RAB3GAP2: variants seen among roughly 807,000 people sequenced by gnomAD.
RAB3GAP2 encodes RAB3 GTPase activating non-catalytic protein subunit 2, also known as rab3 GTPase-activating protein non-catalytic subunit.
RAB3GAP2 carries 87 observed loss-of-function variants against 185.3 expected under a neutral mutation model. The ratio of observed to expected loss-of-function variants is 0.47; its 90% CI spans 0.39 to 0.56. The LOEUF (loss-of-function observed/expected upper bound fraction) is 0.56. Among genes scored for constraint, RAB3GAP2 ranks in the 20% least tolerant of loss-of-function variants. RAB3GAP2 has a pLI of 0.00. For synonymous variants in RAB3GAP2, 554 were observed against 576.1 expected, an observed-to-expected ratio of 0.96 and a Z score of 0.55; for missense variants, 1,492 against 1,638.2, an observed-to-expected ratio of 0.91 and a Z score of 1.54.
At chr1:220,237,777 T>C (rs1438214634) in intron 1 of RAB3GAP2, among the ~76,000 whole-genome samples, 1 of 152,196 alleles carries the variant, frequency 6.6e-6, no homozygotes, top group Non-Finnish European at 1.5e-5. Context: ...TTCACTCCAG[T>C]TGGACTGTTC....
intron 1 of RAB3GAP2, among the ~76,000 whole-genome samples, chr1:220,262,330 CAAA>C (rs916746274): frequency 6.7e-6 from 1 of 149,964 alleles, no homozygotes; most frequent in African/African-American, 2.4e-5. Flanking sequence ...AACAAACAAA[CAAA>C]AAAACATAAA....
chr1:220,248,740 G>A (rs992152658), intron 1 of RAB3GAP2, among the ~76,000 whole-genome samples: 5 of 151,786 alleles, frequency 3.3e-5, no homozygotes, highest in Admixed American at 6.6e-5. Flanking sequence ...ATCTTGAATC[G>A]TAGTTCCCAT....
chr1:220,151,434 T>C, intron 34 of RAB3GAP2, 28 bp from the exon 35 acceptor site: 1 of 1,613,824 alleles, frequency 6.2e-7, no homozygotes, highest in Non-Finnish European at 8.5e-7. Context: ...AAATAACCTA[T>C]TATAGACAAC....
Position 220,171,092 on chromosome 1 carries a change from G to A in RAB3GAP2, c.2606C>T (p.Ser869Leu), listed in dbSNP as rs1480823005. 1 of 1,614,116 alleles carries A rather than the reference G, an allele frequency of 6.2e-7. No homozygotes were observed. Among genetic ancestry groups the A allele is most frequent in the Non-Finnish European group, 8.5e-7 (1 of 1,179,984 alleles). Residue 869 changes from serine (S) to leucine (L), a missense_variant, in exon 24 of 35, where the codon TCA (serine) becomes TTA (leucine). Physicochemically the swap from Ser to Leu is moderately radical, Grantham distance 145. Coordinates refer to ENST00000358951, the MANE Select transcript of RAB3GAP2 (RefSeq NM_012414.4). ...KFSQTVLGAD[S>L]EALTDSWEAL... ...CTCCCAGGAATCAGTGAGGGCCTCT[G>A]AATCAGCACCCAAAACTGTTTGGGA...
intron 21 of RAB3GAP2, among the ~76,000 whole-genome samples, chr1:220,178,196 G>A (rs1018914763): frequency 2.0e-5 from 3 of 152,146 alleles, no homozygotes; most frequent in African/African-American, 7.2e-5. Context: ...ACGTGGCAAA[G>A]TTATTCCTTA....
intron 21 of RAB3GAP2, among the ~76,000 whole-genome samples, chr1:220,173,315 GA>G (rs1368240308): frequency 6.6e-6 from 1 of 152,206 alleles, no homozygotes; most frequent in Admixed American, 6.5e-5. Context: ...ATACCTACTT[GA>G]AGCTGAAATT....
At chr1:220,239,952 T>C (rs910536762) in intron 1 of RAB3GAP2, among the ~76,000 whole-genome samples, 4 of 149,068 alleles carry the variant, frequency 2.7e-5, no homozygotes, top group African/African-American at 7.4e-5. Flanking sequence ...ATAAAAGCCA[T>C]TGAGTTCCCA....
intron 1 of RAB3GAP2, among the ~76,000 whole-genome samples, chr1:220,251,675 G>A (rs544183320): frequency 2.0e-5 from 3 of 151,056 alleles, no homozygotes; most frequent in African/African-American, 7.3e-5. Flanking sequence ...TCATAGATAG[G>A]ACTGAACCTG....
At position 220,189,769 on chromosome 1, in the gene RAB3GAP2, T is replaced by A. The variant is rs1461293124; in HGVS notation, c.1715-2A>T. On this transcript the variant is annotated splice_acceptor_variant, in intron 16 of 34. Coordinates refer to ENST00000358951, the MANE Select transcript of RAB3GAP2 (RefSeq NM_012414.4). LOFTEE classifies it high-confidence loss of function. ...CCTTTATTTCTGTTTCAACCAAATC[T>A]ATAAAGAAAAAAATAATCAAAGTAA... 6.8e-7 allele frequency: 1 copy of A among 1,480,386 alleles called. No individual in the cohort carries two copies. Among genetic ancestry groups the A allele is most frequent in the South Asian group, 1.3e-5 (1 of 79,724 alleles). The allele number at this position is 1,480,386 out of a possible 1,614,324, so 91.7% of individuals were successfully genotyped here.
chr1:220,157,136 A>G, intron 31 of RAB3GAP2, 134 bp downstream of exon 31: 1 of 777,790 alleles, frequency 1.3e-6, no homozygotes, highest in Non-Finnish European at 2.3e-6. Flanking sequence ...CAAGCAGGGA[A>G]TGAGGGAGTT....
rs1315826375 is a variant in RAB3GAP2 at position 220,245,754 on chromosome 1, A to C, written c.116-12891T>G. On this transcript the variant is annotated intron_variant, in intron 1 of 34. Coordinates refer to ENST00000358951, the MANE Select transcript of RAB3GAP2 (RefSeq NM_012414.4). ...AAAAAGACAGCAGTAACCTCTGCAGACTTAAATGTCCCTGTCTGACAGCTT... is the reference window on the plus strand; with the variant it reads ...AAAAAGACAGCAGTAACCTCTGCAGCCTTAAATGTCCCTGTCTGACAGCTT... 2.6e-5 allele frequency among the ~76,000 whole-genome samples: 4 copies of C among 152,156 alleles called. 1 individual carries two copies. In the South Asian group the frequency reaches 6.2e-4, roughly 24 times the overall value.
At chr1:220,206,039 ATAG>A in intron 7 of RAB3GAP2, 33 bp from the exon 8 acceptor site, 4 of 1,327,810 alleles carry the variant, frequency 3.0e-6, no homozygotes, top group Non-Finnish European at 4.2e-6. Context: ...AAGTTCTTGA[ATAG>A]ATAAATAAGC....
At position 220,154,016 on chromosome 1, in the gene RAB3GAP2, TAACTG is replaced by T; in HGVS notation, c.3592_3596del (p.Gln1198IlefsTer3). 1 of 1,613,686 alleles carries T rather than the reference TAACTG, an allele frequency of 6.2e-7. No homozygotes were observed. The highest frequency in any genetic ancestry group is 8.5e-7 in the Non-Finnish European group (1 of 1,179,822). On this transcript the variant is annotated frameshift_variant, in exon 32 of 35. Transcript: ENST00000358951. LOFTEE classifies it high-confidence loss of function. ...TTGGATCCATTTCCCCACTAGGTAA[TAACTG>T]AATTGAAGTTAGGTCTTTGAAAAAT...
intron 1 of RAB3GAP2, among the ~76,000 whole-genome samples, chr1:220,255,123 T>A (rs1411194446): frequency 1.3e-5 from 2 of 152,062 alleles, no homozygotes; most frequent in African/African-American, 4.8e-5. Context: ...TGCAATGCAC[T>A]GTGTAGCTAG....
chr1:220,212,930 G>T lies in RAB3GAP2; in HGVS notation c.343C>A (p.Gln115Lys). Residue 115 changes from glutamine (Q) to lysine (K), a missense_variant, in exon 4 of 35, where the codon CAA becomes AAA. By Grantham distance (53) the Gln-to-Lys change is moderately conservative (BLOSUM62 1). Around this residue, in one of 5 missense-constraint regions of RAB3GAP2, gnomAD observed 177 missense variants for 160.6 expected, o/e 1.10. Transcript: ENST00000358951. ...KYSDKGKEEM[Q>K]FAVGWSGSLN... Reference sequence around the variant, plus strand: ...GAACCACTCCAGCCAACAGCAAATTGCATTTCTTCCTTTCCTTTATCACTA... The same window carrying T: ...GAACCACTCCAGCCAACAGCAAATTTCATTTCTTCCTTTCCTTTATCACTA... 1 of 1,613,264 alleles carries T rather than the reference G, an allele frequency of 6.2e-7. No homozygotes were observed. The highest frequency in any genetic ancestry group is 1.1e-5 in the South Asian group (1 of 91,034).
chr1:220,269,432 G>C (rs930452264), intron 1 of RAB3GAP2, among the ~76,000 whole-genome samples: 1 of 152,176 alleles, frequency 6.6e-6, no homozygotes, highest in Non-Finnish European at 1.5e-5. Flanking sequence ...TTATTAAAAG[G>C]GCAATGTTAG....
At chr1:220,200,564 A>T (rs1229753248) in intron 9 of RAB3GAP2, 1 of 529,354 alleles carries the variant, frequency 1.9e-6, no homozygotes, top group South Asian at 1.4e-5. Flanking sequence ...GCTGGGGATA[A>T]ATGAATAGAA....
rs1015893319 is a variant in RAB3GAP2, at chr1:220,162,148, CAAAT to C, written c.3225+46_3225+49del. On this transcript the variant is annotated intron_variant, in intron 28 of 34. Coordinates refer to ENST00000358951, the MANE Select transcript of RAB3GAP2 (RefSeq NM_012414.4). ...TGTGAACAATCTTTCTAATATTAGT[CAAAT>C]AAGAGAATCAAATAAATAAGAAGTC... 5.3e-6 allele frequency: 7 copies of C among 1,323,878 alleles called. No individual in the cohort carries two copies. In the African/African-American group the frequency reaches 8.7e-5, roughly 16 times the overall value. 82.0% of individuals were successfully genotyped at this position (1,323,878 alleles called of 1,614,324 possible). A position where few individuals can be genotyped will look rare whatever the true frequency, so the allele number is the denominator to read the frequency against.
rs2102848456 is a variant in RAB3GAP2 at position 220,151,150 on chromosome 1, GAC to G, written c.*99_*100del. 1 of 1,238,038 alleles carries G rather than the reference GAC, an allele frequency of 8.1e-7. No homozygotes were observed. The highest frequency in any genetic ancestry group is 2.4e-5 in the East Asian group (1 of 41,902). The allele number at this position is 1,238,038 out of a possible 1,614,324, so 76.7% of individuals were successfully genotyped here. A position where few individuals can be genotyped will look rare whatever the true frequency, so the allele number is the denominator to read the frequency against. ...TTTATTTTACAAAAGGAAAAAAAAA[GAC>G]ATACTTTTCCCATAAAATTCCAGGT... On this transcript the variant is annotated 3_prime_UTR_variant, in exon 35 of 35. Coordinates refer to ENST00000358951, the MANE Select transcript of RAB3GAP2 (RefSeq NM_012414.4).
Sources: allele counts gnomAD v4.1 joint callset (sites outside exome capture counted in the v4.1 genomes callset), GRCh38; gene constraint gnomAD v4.1.1; regional missense constraint gnomAD v4.1.1; transcripts MANE v1.5; gene names NCBI Gene and HGNC (gene_info 2026-07-23, HGNC 2026-07-21).